The following AKR1C8 variants were observed in gnomAD, a reference collection of about 807,000 sequenced individuals.
The protein encoded by AKR1C8 is aldo-keto reductase family 1 member C8.
chr10:5,116,672 C>T, the AKR1C8 span, among the ~76,000 whole-genome samples: 2 of 152,166 alleles, frequency 1.3e-5, no homozygotes, highest in Non-Finnish European at 2.9e-5. Flanking sequence ...GTCATTTCTC[C>T]TTCCATGCAA....
chr10:5,165,201 C>A, the AKR1C8 span, among the ~76,000 whole-genome samples: 2 of 152,102 alleles, frequency 1.3e-5, no homozygotes, highest in Non-Finnish European at 2.9e-5. Flanking sequence ...GGTTGTCTTT[C>A]CTCCATGTAA....
At chr10:5,148,691 A>G in the AKR1C8 span, among the ~76,000 whole-genome samples, 1 of 152,156 alleles carries the variant, frequency 6.6e-6, no homozygotes, top group East Asian at 1.9e-4. Context: ...ATAAATCTAC[A>G]TTTTATATAG....
the AKR1C8 span, among the ~76,000 whole-genome samples, chr10:5,177,491 C>T: frequency 9.9e-5 from 15 of 152,100 alleles, 1 homozygote; most frequent in South Asian, 2.1e-4. Context: ...ATGCTGGCCT[C>T]GTAAAATGAG....
the AKR1C8 span, among the ~76,000 whole-genome samples, chr10:5,145,206 T>G: frequency 6.6e-6 from 1 of 152,092 alleles, no homozygotes; most frequent in Non-Finnish European, 1.5e-5. Context: ...CAAGATGGAT[T>G]AAAGACTTAA....
chr10:5,178,237 A>G, the AKR1C8 span, among the ~76,000 whole-genome samples: 13 of 152,096 alleles, frequency 8.5e-5, no homozygotes, highest in Non-Finnish European at 1.8e-4. Context: ...TTCGTTATGT[A>G]CCCAGTAGTC....
the AKR1C8 span, among the ~76,000 whole-genome samples, chr10:5,128,305 T>C: frequency 6.6e-6 from 1 of 152,116 alleles, no homozygotes. Flanking sequence ...ACCAAAAGAC[T>C]GTTATACACC....
chr10:5,135,916 A>T, the AKR1C8 span, among the ~76,000 whole-genome samples: 1 of 152,160 alleles, frequency 6.6e-6, no homozygotes, highest in Non-Finnish European at 1.5e-5. Flanking sequence ...TCCTGATGAA[A>T]ATGCAGTCCT....
the AKR1C8 span, among the ~76,000 whole-genome samples, chr10:5,142,146 A>G: frequency 6.6e-6 from 1 of 152,088 alleles, no homozygotes; most frequent in Non-Finnish European, 1.5e-5. Context: ...ATTCAACCTC[A>G]TGAATCAACC....
At chr10:5,134,896 C>T in the AKR1C8 span, among the ~76,000 whole-genome samples, 51 of 152,252 alleles carry the variant, frequency 3.3e-4, no homozygotes, top group African/African-American at 1.2e-3. Context: ...CTGGGAACAC[C>T]CATAAACAGA....
the AKR1C8 span, among the ~76,000 whole-genome samples, chr10:5,167,026 T>A: frequency 6.6e-6 from 1 of 151,288 alleles, no homozygotes; most frequent in African/African-American, 2.4e-5. Flanking sequence ...AAAAGACACA[T>A]GAAAAAATGC....
At chr10:5,169,305 A>G in the AKR1C8 span, among the ~76,000 whole-genome samples, 1 of 152,160 alleles carries the variant, frequency 6.6e-6, no homozygotes, top group Non-Finnish European at 1.5e-5. Flanking sequence ...ATGAAAGGAC[A>G]AAGGGTAATG....
At chr10:5,120,251 G>T in the AKR1C8 span, among the ~76,000 whole-genome samples, 1 of 152,078 alleles carries the variant, frequency 6.6e-6, no homozygotes, top group East Asian at 1.9e-4. Flanking sequence ...GCTTATCACT[G>T]GCTTACTGTC....
chr10:5,158,245 C>T, the AKR1C8 span, among the ~76,000 whole-genome samples: 1 of 152,178 alleles, frequency 6.6e-6, no homozygotes, highest in Non-Finnish European at 1.5e-5. Context: ...AAAAAAATAA[C>T]TTCTTTGGGA....
chr10:5,131,443 C>G, the AKR1C8 span, among the ~76,000 whole-genome samples: 2 of 152,098 alleles, frequency 1.3e-5, no homozygotes, highest in Non-Finnish European at 2.9e-5. Flanking sequence ...CATCAAAGGA[C>G]TATTGTCCAG....
the AKR1C8 span, among the ~76,000 whole-genome samples, chr10:5,167,636 AG>A: frequency 6.7e-6 from 1 of 150,162 alleles, no homozygotes; most frequent in Non-Finnish European, 1.5e-5. Context: ...GCTTGTTGTG[AG>A]GGGAGTGGGG....
the AKR1C8 span, among the ~76,000 whole-genome samples, chr10:5,165,272 C>T: frequency 6.6e-6 from 1 of 151,950 alleles, no homozygotes; most frequent in African/African-American, 2.4e-5. Context: ...AGTTTTTTTT[C>T]CACTGTGGAA....
At chr10:5,124,648 C>CA in the AKR1C8 span, among the ~76,000 whole-genome samples, 1 of 151,972 alleles carries the variant, frequency 6.6e-6, no homozygotes, top group South Asian at 2.1e-4. Context: ...GTAAACAATA[C>CA]AAAAAATTAA....
the AKR1C8 span, among the ~76,000 whole-genome samples, chr10:5,140,122 A>G: frequency 0.027 from 4,177 of 152,074 alleles, 78 homozygotes; most frequent in Non-Finnish European, 0.042. Flanking sequence ...AGTTAGAATG[A>G]TGATCATTAA....
chr10:5,150,189 A>G, the AKR1C8 span, among the ~76,000 whole-genome samples: 1 of 152,136 alleles, frequency 6.6e-6, no homozygotes, highest in Non-Finnish European at 1.5e-5. Flanking sequence ...AAATGCATTT[A>G]AATGTACCCG....
Sources: allele counts gnomAD v4.1 joint callset (sites outside exome capture counted in the v4.1 genomes callset), GRCh38; gene constraint gnomAD v4.1.1; transcripts MANE v1.5; gene names NCBI Gene and HGNC (gene_info 2026-07-23, HGNC 2026-07-21).